The following NEO1 variants were observed in gnomAD, a reference collection of about 807,000 sequenced individuals.
NEO1 encodes neogenin.
A neutral mutation model predicts 159.7 loss-of-function variants in NEO1; 63 were observed. That is an observed-to-expected ratio of 0.39 (90% confidence interval 0.32 to 0.49). The LOEUF (loss-of-function observed/expected upper bound fraction) is 0.49, where lower values mean the gene tolerates loss of function less well. Ranked by LOEUF, NEO1 falls within the 20% of genes least tolerant of loss-of-function variation. The pLI, the probability that NEO1 is intolerant of heterozygous loss-of-function variation, is 0.85. For synonymous variants in NEO1, 633 were observed against 662.0 expected (o/e 0.96, Z 0.67); for missense variants, 1,615 against 1,831.0 (o/e 0.88, Z 2.15).
chr15:73,295,146 A>ATATATATATATATATATATAT lies in NEO1; in HGVS notation c.3901+1598_3901+1599insTATATATATATATATATATAT, dbSNP rs1277362385. Among the ~76,000 whole-genome samples the ATATATATATATATATATATAT allele has an allele frequency of 3.4e-4, 47 of 140,200 alleles. 1 individual carries two copies. Among genetic ancestry groups the ATATATATATATATATATATAT allele is most frequent in the South Asian group, 1.1e-3 (5 of 4,536 alleles). 92.0% of individuals were successfully genotyped at this position (140,200 alleles called of 152,430 possible). On this transcript the variant is annotated intron_variant, in intron 26 of 28. Coordinates refer to ENST00000261908, the MANE Select transcript of NEO1 (RefSeq NM_002499.4). ...ATTAAATATATATATATATATATGT[A>ATATATATATATATATATATAT]AAAATTTGGCCTTTCTACTATCTCC...
chr15:73,295,679 G>C (rs1309152234), intron 26 of NEO1, among the ~76,000 whole-genome samples: 1 of 152,154 alleles, frequency 6.6e-6, no homozygotes, highest in Admixed American at 6.6e-5. Flanking sequence ...GAAATATAGA[G>C]CAAGTATCCA....
intron 28 of NEO1, among the ~76,000 whole-genome samples, chr15:73,302,317 T>A (rs2042650765): frequency 6.6e-6 from 1 of 152,224 alleles, no homozygotes; most frequent in Non-Finnish European, 1.5e-5. Context: ...CCAACTGTGC[T>A]GACTGGGGCA....
chr15:73,123,161 A>C (rs2071771374), intron 3 of NEO1, among the ~76,000 whole-genome samples: 1 of 152,072 alleles, frequency 6.6e-6, no homozygotes, highest in African/African-American at 2.4e-5. Context: ...CATCTCAAAA[A>C]AAAAAAAAAG....
chr15:73,083,829 G>A (rs1173059759), intron 1 of NEO1, among the ~76,000 whole-genome samples: 1 of 152,080 alleles, frequency 6.6e-6, no homozygotes, highest in African/African-American at 2.4e-5. Context: ...AGTATTAACA[G>A]TACTTAGATT....
At chr15:73,083,010 TG>T (rs1200118820) in intron 1 of NEO1, among the ~76,000 whole-genome samples, 1 of 151,862 alleles carries the variant, frequency 6.6e-6, no homozygotes, top group Non-Finnish European at 1.5e-5. Context: ...AATAACAGAG[TG>T]CCTGGAATGT....
chr15:73,257,132 C>CAAAAAAAAAAAAAAAAAAAAAAAAAAA (rs10623334), intron 13 of NEO1, among the ~76,000 whole-genome samples: 4 of 54,776 alleles, frequency 7.3e-5, no homozygotes, highest in African/African-American at 1.7e-4. Flanking sequence ...ACTCTGTCTC[C>CAAAAAAAAAAAAAAAAAAAAAAAAAAA]AAAAAAAAAA....
At chr15:73,300,115 C>T (rs2042554759) in intron 27 of NEO1, 1 of 152,166 alleles carries the variant, frequency 6.6e-6, no homozygotes. Flanking sequence ...CTACATTATG[C>T]AAATTCTGCA....
chr15:73,162,338 C>T (rs1174787954), intron 5 of NEO1: 4 of 200,046 alleles, frequency 2.0e-5, no homozygotes, highest in East Asian at 1.2e-4. Context: ...ATTGGCTGTT[C>T]AAATCATCAT....
chr15:73,171,030 A>G (rs996102351), intron 5 of NEO1, among the ~76,000 whole-genome samples: 4 of 152,250 alleles, frequency 2.6e-5, no homozygotes, highest in Middle Eastern at 3.4e-3. Context: ...CCTGACTCCA[A>G]TCAGGGTTCT....
At chr15:73,216,577 C>G (rs1051345531) in intron 7 of NEO1, among the ~76,000 whole-genome samples, 1 of 152,222 alleles carries the variant, frequency 6.6e-6, no homozygotes, top group African/African-American at 2.4e-5. Flanking sequence ...CCTTTCTCCA[C>G]ATCCTCTCCA....
intron 7 of NEO1, among the ~76,000 whole-genome samples, chr15:73,205,646 C>T (rs1307081221): frequency 6.6e-6 from 1 of 152,106 alleles, no homozygotes; most frequent in East Asian, 1.9e-4. Flanking sequence ...GTGTTCCTAC[C>T]AGTTTATGTC....
At chr15:73,087,207 A>G (rs2069414742) in intron 1 of NEO1, among the ~76,000 whole-genome samples, 1 of 152,174 alleles carries the variant, frequency 6.6e-6, no homozygotes, top group African/African-American at 2.4e-5. Flanking sequence ...TTTTAAAATC[A>G]TGAATGGTAG....
chr15:73,189,384 A>G (rs1377900131), intron 7 of NEO1, among the ~76,000 whole-genome samples: 1 of 152,194 alleles, frequency 6.6e-6, no homozygotes, highest in Non-Finnish European at 1.5e-5. Context: ...GTTTGTTTGA[A>G]AATAAAAATC....
intron 1 of NEO1, among the ~76,000 whole-genome samples, chr15:73,068,587 A>G (rs1315966109): frequency 6.6e-6 from 1 of 152,124 alleles, no homozygotes; most frequent in African/African-American, 2.4e-5. Context: ...TCTTGGAGGT[A>G]TCATGGGTCC....
intron 16 of NEO1, 132 bp downstream of exon 16, chr15:73,266,543 G>C (rs967755094): frequency 1.3e-5 from 7 of 551,540 alleles, no homozygotes; most frequent in South Asian, 9.4e-5. Context: ...ACTTCAAATG[G>C]GAAAGTGGGC....
In NEO1 at chr15:73,116,872, A is replaced by ATTTTT; in HGVS notation, c.448+22_448+26dup. On this transcript the variant is annotated intron_variant, in intron 2 of 28. Coordinates refer to ENST00000261908, the MANE Select transcript of NEO1 (RefSeq NM_002499.4). ...CATAGTAGCAGGTAAGTTTTAAGTGATTTTTTTTTTTGCATTTTCAAATAT... is the reference window on the plus strand; with the variant it reads ...CATAGTAGCAGGTAAGTTTTAAGTGATTTTTTTTTTTTTTTTGCATTTTCAAATAT... 1 of 1,278,736 alleles carries ATTTTT rather than the reference A, an allele frequency of 7.8e-7. No individual in the cohort carries two copies. Among genetic ancestry groups the ATTTTT allele is most frequent in the Non-Finnish European group, 1.1e-6 (1 of 951,640 alleles). 79.2% of individuals were successfully genotyped at this position (1,278,736 alleles called of 1,614,324 possible).
intron 1 of NEO1, among the ~76,000 whole-genome samples, chr15:73,079,692 A>AATT (rs1415920388): frequency 2.6e-5 from 4 of 152,226 alleles, no homozygotes; most frequent in African/African-American, 9.6e-5. Context: ...ATACTTGAAT[A>AATT]GTTTCCCTTC....
At chr15:73,084,084 CAT>C (rs1455596849) in intron 1 of NEO1, among the ~76,000 whole-genome samples, 1 of 151,774 alleles carries the variant, frequency 6.6e-6, no homozygotes, top group African/African-American at 2.4e-5. Context: ...AGCTAATTAA[CAT>C]ATGTATTACC....
intron 5 of NEO1, among the ~76,000 whole-genome samples, chr15:73,141,254 A>AT (rs1474317893): frequency 6.6e-6 from 1 of 152,212 alleles, no homozygotes; most frequent in Non-Finnish European, 1.5e-5. Context: ...GACTTCTGTT[A>AT]TTTTTTTAAG....
Sources: allele counts gnomAD v4.1 joint callset (sites outside exome capture counted in the v4.1 genomes callset), GRCh38; gene constraint gnomAD v4.1.1; transcripts MANE v1.5; gene names NCBI Gene and HGNC (gene_info 2026-07-23, HGNC 2026-07-21).